The following THSD7A variants were observed in gnomAD, a reference collection of about 807,000 sequenced individuals.
THSD7A encodes the protein thrombospondin type-1 domain-containing protein 7A.
THSD7A carries 96 observed loss-of-function variants against 231.3 expected under a neutral mutation model. That is an observed-to-expected ratio of 0.41 (90% confidence interval 0.35 to 0.49). The LOEUF is 0.49. Among genes scored for constraint, THSD7A ranks in the 20% least tolerant of loss-of-function variants. THSD7A has a pLI of 0.05. For missense variants in THSD7A, 2,290 were observed against 2,070.2 expected (o/e 1.11, Z -2.06); for synonymous variants, 940 against 743.3 (o/e 1.26, Z -4.30).
chr7:11,678,257 T>G (rs964208310), intron 1 of THSD7A, among the ~76,000 whole-genome samples: 3 of 151,994 alleles, frequency 2.0e-5, no homozygotes, highest in Admixed American at 1.3e-4. Flanking sequence ...GATGTAAAAT[T>G]GACACGCTAA....
chr7:11,489,995 C>T lies in THSD7A; in HGVS notation c.1823-8013G>A, dbSNP rs914522941. ...TTTCAGGGATTTCATTTTCAAAACC[C>T]TTTTTATTCACAATAAGTTTGCCTA... On this transcript the variant is annotated intron_variant, in intron 6 of 27. Coordinates refer to ENST00000423059, the MANE Select transcript of THSD7A (RefSeq NM_015204.3). 2.0e-5 allele frequency among the ~76,000 whole-genome samples: 3 copies of T among 151,932 alleles called. No individual in the cohort carries two copies. In the South Asian group the frequency reaches 6.2e-4, roughly 31 times the overall value.
At chr7:11,417,205 T>C (rs1783990475) in intron 17 of THSD7A, among the ~76,000 whole-genome samples, 1 of 152,106 alleles carries the variant, frequency 6.6e-6, no homozygotes, top group Admixed American at 6.6e-5. Flanking sequence ...TTGTGCTGGA[T>C]TAGGATGATG....
rs760280262 is a variant in THSD7A, at chr7:11,632,695, C to G, written c.1022+3435G>C. ...TAATGTTTCACAGTTGAGCACCGTC[C>G]CAGCTTTCAGTCTGATGTCTCTTCA... On this transcript the variant is annotated intron_variant, in intron 2 of 27. Transcript: ENST00000423059. This position sits in a 1 kb window ranked among gnomAD's most constrained non-coding sequence, Gnocchi z 4.1. Among the ~76,000 whole-genome samples the G allele has an allele frequency of 2.7e-4, 41 of 152,060 alleles. No homozygotes were observed. The highest frequency in any genetic ancestry group is 3.2e-3 in the Middle Eastern group (1 of 316).
intron 4 of THSD7A, among the ~76,000 whole-genome samples, chr7:11,571,702 T>C (rs1790639244): frequency 6.6e-6 from 1 of 152,178 alleles, no homozygotes; most frequent in African/African-American, 2.4e-5. Flanking sequence ...AATGTAGTCG[T>C]TCAGTTTTTC....
At position 11,637,057 on chromosome 7, in the gene THSD7A, AACTTCCCTGCGGTGTT is replaced by A. The variant is rs1220540447; in HGVS notation, c.191-112_191-97del. Reference sequence around the variant, plus strand: ...AAGACCTTTCAAGACCTAGTACATTAACTTCCCTGCGGTGTTACAAAGTAGGTCTCTGGACACGACT... The same window carrying A: ...AAGACCTTTCAAGACCTAGTACATTAACAAAGTAGGTCTCTGGACACGACT... On this transcript the variant is annotated intron_variant, in intron 1 of 27. Transcript: ENST00000423059. The surrounding 1 kb of genome is among the most constrained non-coding windows in gnomAD (Gnocchi z 4.2). 1.7e-6 allele frequency: 2 copies of A among 1,143,054 alleles called. No homozygotes were observed. Among genetic ancestry groups the A allele is most frequent in the Admixed American group, 4.7e-5 (2 of 42,444 alleles). 70.8% of individuals were successfully genotyped at this position (1,143,054 alleles called of 1,614,324 possible). A position where few individuals can be genotyped will look rare whatever the true frequency, so the allele number is the denominator to read the frequency against.
chr7:11,728,633 T>C (rs1781623901), intron 1 of THSD7A, among the ~76,000 whole-genome samples: 2 of 151,934 alleles, frequency 1.3e-5, no homozygotes, highest in African/African-American at 2.4e-5. Flanking sequence ...ATTATTTGAA[T>C]TATGATTTGC....
intron 6 of THSD7A, among the ~76,000 whole-genome samples, chr7:11,504,687 T>G (rs1019091482): frequency 2.0e-5 from 3 of 152,158 alleles, no homozygotes; most frequent in Admixed American, 6.6e-5. Flanking sequence ...AACATTCATC[T>G]TGGGCCAAAT....
intron 2 of THSD7A, among the ~76,000 whole-genome samples, chr7:11,622,905 C>T: frequency 6.6e-6 from 1 of 152,050 alleles, no homozygotes; most frequent in Admixed American, 6.6e-5. Context: ...ATAGGTATCC[C>T]TTAGAAAGGC....
At chr7:11,661,510 G>C (rs543039148) in intron 1 of THSD7A, among the ~76,000 whole-genome samples, 4 of 150,790 alleles carry the variant, frequency 2.7e-5, no homozygotes, top group Non-Finnish European at 5.9e-5. Context: ...TGCAAAATCA[G>C]TTTTTATGCA....
chr7:11,488,087 C>G (rs1048116799), intron 6 of THSD7A, among the ~76,000 whole-genome samples: 5 of 152,142 alleles, frequency 3.3e-5, no homozygotes, highest in Admixed American at 6.6e-5. Flanking sequence ...GGACCAGACA[C>G]AGAGCCAAGA....
chr7:11,461,242 A>G (rs571050715), intron 10 of THSD7A, among the ~76,000 whole-genome samples: 1 of 152,310 alleles, frequency 6.6e-6, no homozygotes, highest in South Asian at 2.1e-4. Context: ...ATAAGTTTGA[A>G]CCAGTAGTTG....
chr7:11,781,195 C>A (rs1783619340), intron 1 of THSD7A, among the ~76,000 whole-genome samples: 1 of 151,646 alleles, frequency 6.6e-6, no homozygotes, highest in African/African-American at 2.4e-5. Flanking sequence ...AATCTCAACA[C>A]TTTGGAAGGC....
chr7:11,600,689 T>C (rs775529108), intron 2 of THSD7A, among the ~76,000 whole-genome samples: 1 of 152,212 alleles, frequency 6.6e-6, no homozygotes, highest in Non-Finnish European at 1.5e-5. Flanking sequence ...TCTGGTCCAA[T>C]GGGAAAATGC....
intron 18 of THSD7A, among the ~76,000 whole-genome samples, chr7:11,412,101 C>T (rs1783806992): frequency 6.6e-6 from 1 of 152,142 alleles, no homozygotes; most frequent in African/African-American, 2.4e-5. Context: ...CTAGAGTATG[C>T]ACCTTGATGG....
chr7:11,488,252 T>C (rs62438205), intron 6 of THSD7A, among the ~76,000 whole-genome samples: 11,369 of 152,256 alleles, frequency 0.075, 547 homozygotes, highest in Non-Finnish European at 0.1. Flanking sequence ...AAAATTCACA[T>C]TGACTTTTGA....
intron 1 of THSD7A, among the ~76,000 whole-genome samples, chr7:11,699,600 T>C (rs543490375): frequency 2.6e-5 from 4 of 151,288 alleles, no homozygotes; most frequent in African/African-American, 9.7e-5. Flanking sequence ...TGAGCACGAG[T>C]TACCCTGAAA....
At chr7:11,401,646 A>T in intron 23 of THSD7A, 149 bp downstream of exon 23, 1 of 631,036 alleles carries the variant, frequency 1.6e-6, no homozygotes, top group Non-Finnish European at 2.5e-6. Flanking sequence ...TCCTGGCCTC[A>T]GGTGATCCGC....
chr7:11,676,229 A>G (rs954993185), intron 1 of THSD7A, among the ~76,000 whole-genome samples: 2 of 152,198 alleles, frequency 1.3e-5, no homozygotes, highest in East Asian at 3.9e-4. Context: ...AACATCTAAA[A>G]AAGGACAACA....
At position 11,429,061 on chromosome 7, in the gene THSD7A, G is replaced by C. The variant is rs760507384; in HGVS notation, c.3129C>G (p.Asn1043Lys). 1 of 1,612,850 alleles carries C rather than the reference G, an allele frequency of 6.2e-7. No homozygotes were observed. Among genetic ancestry groups the C allele is most frequent in the Non-Finnish European group, 8.5e-7 (1 of 1,179,374 alleles). ...CACAGGACTTGCTGCAGCGCGACCAGTTGGACCACTCACTGAGCTTGCAGT... is the reference window on the plus strand; with the variant it reads ...CACAGGACTTGCTGCAGCGCGACCACTTGGACCACTCACTGAGCTTGCAGT... The part of the protein sequence containing the change: ...PSDCKLSEWS[N>K]WSRCSKSCGS... The change falls in exon 14 of 28, where the codon AAC (asparagine) becomes AAG (lysine). Residue 1043 changes from asparagine (N) to lysine (K), a missense_variant. Transcript: ENST00000423059.
Sources: gnomAD v4.1 joint callset for allele counts (sites outside exome capture counted in the v4.1 genomes callset) on GRCh38, gnomAD v4.1.1 for gene constraint, Gnocchi (gnomAD v3.1) non-coding constraint, MANE v1.5 for transcripts, NCBI Gene and HGNC (gene_info 2026-07-23, HGNC 2026-07-21) for gene names.